CARF: variants seen among roughly 807,000 people sequenced by gnomAD.
The protein encoded by CARF is calcium-responsive transcription factor.
CARF carries 57 observed loss-of-function variants against 82.0 expected under a neutral mutation model. The ratio of observed to expected loss-of-function variants is 0.70; its 90% confidence interval spans 0.56 to 0.87. The LOEUF (loss-of-function observed/expected upper bound fraction) is 0.87. Ranked by LOEUF, CARF falls within the 40% of genes least tolerant of loss-of-function variation. The pLI is 0.00. For synonymous variants in CARF, 268 were observed against 290.1 expected, an observed-to-expected ratio of 0.92 and a Z score of 0.77; for missense variants, 771 against 855.8, an observed-to-expected ratio of 0.90 and a Z score of 1.24.
chr2:202,959,552 C>T (rs981149334), intron 8 of CARF, among the ~76,000 whole-genome samples: 2 of 152,236 alleles, frequency 1.3e-5, no homozygotes, highest in African/African-American at 4.8e-5. Context: ...GGTGCAGTGG[C>T]TCATGCCTGT....
At chr2:202,973,343 C>T (rs548982403) in intron 12 of CARF, 4 of 352,028 alleles carry the variant, frequency 1.1e-5, no homozygotes, top group South Asian at 9.4e-5. Flanking sequence ...TAATACAGTT[C>T]TGCGATTTGG....
chr2:202,986,119 G>C lies in CARF; in HGVS notation c.*2495G>C, dbSNP rs1032908619. On this transcript the variant is annotated 3_prime_UTR_variant, in exon 17 of 17. Transcript: ENST00000438828. ...CTCTTTTGGTTTTTAGGTAGAAACT[G>C]GAGCTATCAATATTTTCATGTAAGT... The C allele has an allele frequency of 1.3e-5, 2 of 151,920 alleles. No homozygotes were observed. The highest frequency in any genetic ancestry group is 4.8e-5 in the African/African-American group (2 of 41,382). 9.4% of individuals were successfully genotyped at this position (151,920 alleles called of 1,614,324 possible).
intron 8 of CARF, among the ~76,000 whole-genome samples, chr2:202,960,695 TGCCTTCCCACCTTCCCGCCTTCCC>T (rs1420910123): frequency 1.1e-4 from 17 of 151,462 alleles, no homozygotes; most frequent in African/African-American, 3.6e-4. Context: ...CCTGCCTTCC[TGCCTTCCCACCTTCCCGCCTTCCC>T]GCCTTCCCAC....
At chr2:202,936,763 A>T (rs1204298253) in intron 3 of CARF, among the ~76,000 whole-genome samples, 1 of 152,172 alleles carries the variant, frequency 6.6e-6, no homozygotes, top group Non-Finnish European at 1.5e-5. Flanking sequence ...GTTGTCTTTT[A>T]ACTCTTGTCA....
At chr2:202,933,121 C>T (rs534683427) in intron 3 of CARF, among the ~76,000 whole-genome samples, 18 of 152,114 alleles carry the variant, frequency 1.2e-4, no homozygotes, top group Non-Finnish European at 2.4e-4. Flanking sequence ...TGCTTCAGCT[C>T]TGGCCTGAGG....
chr2:202,957,289 G>C (rs558382125), intron 8 of CARF, among the ~76,000 whole-genome samples: 1 of 152,062 alleles, frequency 6.6e-6, no homozygotes. Context: ...TCTTTTCTCA[G>C]TGCCCAATAA....
chr2:202,952,221 C>T (rs2058787820), intron 5 of CARF, among the ~76,000 whole-genome samples: 1 of 152,212 alleles, frequency 6.6e-6, no homozygotes, highest in Admixed American at 6.5e-5. Flanking sequence ...ATGAATAATA[C>T]AGTAAGTGGC....
chr2:202,944,891 CA>C (rs1236299105), intron 5 of CARF, among the ~76,000 whole-genome samples: 1 of 149,668 alleles, frequency 6.7e-6, no homozygotes. Context: ...TATTTGAGTC[CA>C]AAAAAAAGTT....
intron 10 of CARF, among the ~76,000 whole-genome samples, chr2:202,968,874 T>C (rs1359353017): frequency 6.6e-6 from 1 of 152,216 alleles, no homozygotes; most frequent in Non-Finnish European, 1.5e-5. Context: ...AGAAGGAATA[T>C]ATCCATACAA....
chr2:202,940,850 T>C (rs1259872470), intron 3 of CARF, among the ~76,000 whole-genome samples: 1 of 152,110 alleles, frequency 6.6e-6, no homozygotes. Flanking sequence ...GAGTGGGGAA[T>C]GGGCTTTGAT....
chr2:202,971,792 A>C, intron 12 of CARF, 54 bp downstream of exon 12: 1 of 1,329,476 alleles, frequency 7.5e-7, no homozygotes, highest in Non-Finnish European at 1.1e-6. Context: ...TTGTTGCTTT[A>C]AATAATACAG....
rs1474197842 is a variant in CARF at position 202,912,468 on chromosome 2, C to CA, written c.-962dup. 3 of 30,858 alleles carry CA rather than the reference C, an allele frequency of 9.7e-5. No individual in the cohort carries two copies. Among genetic ancestry groups the CA allele is most frequent in the Non-Finnish European group, 3.0e-4 (2 of 6,582 alleles). 1.9% of individuals were successfully genotyped at this position (30,858 alleles called of 1,614,324 possible). The stretch of plus-strand genomic sequence containing the variant: ...CGCAGACCTACCGGACGCTACCTCC[C>CA]AACCCCCCGTCTTCCTCCTGCCTCC... On this transcript the variant is annotated 5_prime_UTR_variant, in exon 1 of 17. The change creates a premature stop within an existing upstream ORF in the 5' untranslated region. Coordinates refer to ENST00000438828, the MANE Select transcript of CARF (RefSeq NM_024744.17).
At chr2:202,932,343 G>C (rs1693091803) in intron 3 of CARF, among the ~76,000 whole-genome samples, 1 of 152,134 alleles carries the variant, frequency 6.6e-6, no homozygotes, top group Non-Finnish European at 1.5e-5. Flanking sequence ...CTCTGTGGCA[G>C]AGTTGGATGT....
chr2:202,960,787 C>T (rs1443960996), intron 8 of CARF, among the ~76,000 whole-genome samples: 2 of 150,886 alleles, frequency 1.3e-5, no homozygotes, highest in African/African-American at 2.4e-5. Context: ...CCTTCCCTCC[C>T]TCCCTCCTTC....
rs2060498065 is a variant in CARF at position 202,988,224 on chromosome 2, G to A, written c.*4600G>A. Among the ~76,000 whole-genome samples, 1 of 152,094 alleles carries A rather than the reference G, an allele frequency of 6.6e-6. No homozygotes were observed. The highest frequency in any genetic ancestry group is 2.1e-4 in the South Asian group (1 of 4,826). On this transcript the variant is annotated 3_prime_UTR_variant, in exon 17 of 17. Transcript: ENST00000438828. ...TTGATGATGGACATTAATAGTTCTAGGCTATTATGAATAAAGTTTCCATGA... is the reference window on the plus strand; with the variant it reads ...TTGATGATGGACATTAATAGTTCTAAGCTATTATGAATAAAGTTTCCATGA...
chr2:202,925,563 G>A (rs1691645368), intron 3 of CARF: 1 of 246,286 alleles, frequency 4.1e-6, no homozygotes, highest in African/African-American at 2.3e-5. Context: ...GTCACATGAA[G>A]ACAGATCTCT....
At chr2:202,960,739 T>G (rs1240381129) in intron 8 of CARF, among the ~76,000 whole-genome samples, 1 of 151,146 alleles carries the variant, frequency 6.6e-6, no homozygotes, top group African/African-American at 2.4e-5. Context: ...CCTTCCCGCC[T>G]TCCCGCCTTC....
intron 12 of CARF, among the ~76,000 whole-genome samples, chr2:202,974,113 AAT>A (rs1250422372): frequency 6.6e-6 from 1 of 152,132 alleles, no homozygotes; most frequent in African/African-American, 2.4e-5. Flanking sequence ...AACTCACTCT[AAT>A]ATATTTAGAT....
chr2:202,937,837 C>T (rs2105786213), intron 3 of CARF, among the ~76,000 whole-genome samples: 1 of 151,910 alleles, frequency 6.6e-6, no homozygotes, highest in East Asian at 1.9e-4. Flanking sequence ...GTTGGCTAGG[C>T]TGGTCTCAAA....
Sources: allele counts gnomAD v4.1 joint callset (sites outside exome capture counted in the v4.1 genomes callset), GRCh38; gene constraint gnomAD v4.1.1; transcripts MANE v1.5; gene names NCBI Gene and HGNC (gene_info 2026-07-23, HGNC 2026-07-21).